The following ZMYND8 variants were observed in gnomAD, a reference collection of about 807,000 sequenced individuals.
ZMYND8 encodes the protein zinc finger MYND-type containing 8.
ZMYND8 carries 37 observed loss-of-function variants against 140.8 expected under a neutral mutation model. The observed-to-expected ratio is 0.26, with a 90% confidence interval of 0.20 to 0.35. ZMYND8 has a LOEUF of 0.35. Among genes scored for constraint, ZMYND8 ranks in the 10% least tolerant of loss-of-function variants. The pLI, the probability that ZMYND8 is intolerant of heterozygous loss-of-function variation, is 1.00. For missense variants in ZMYND8, 1,068 were observed against 1,570.0 expected (o/e 0.68, Z 5.40); for synonymous variants, 592 against 597.1 (o/e 0.99, Z 0.12).
chr20:47,353,271 G>A (rs2082947388), intron 1 of ZMYND8: 1 of 152,092 alleles, frequency 6.6e-6, no homozygotes, highest in African/African-American at 2.4e-5. Flanking sequence ...AAGGGGAAAT[G>A]TTTTGTTGAA....
At chr20:47,354,414 A>C (rs181358461) in intron 1 of ZMYND8, 1 of 152,338 alleles carries the variant, frequency 6.6e-6, no homozygotes, top group East Asian at 1.9e-4. Flanking sequence ...TGTAATTTCC[A>C]TTTACAGCAA....
intron 17 of ZMYND8, 42 bp downstream of exon 17, chr20:47,229,684 A>G (rs2038208984): frequency 6.3e-7 from 1 of 1,594,090 alleles, no homozygotes; most frequent in Non-Finnish European, 8.6e-7. Flanking sequence ...GCAGCCCACA[A>G]AACACTCTTA....
At chr20:47,212,006 G>A (rs2035339143) in intron 22 of ZMYND8, among the ~76,000 whole-genome samples, 1 of 152,220 alleles carries the variant, frequency 6.6e-6, no homozygotes, top group South Asian at 2.1e-4. Context: ...TACTATGGTA[G>A]GCAGAGCTGG....
intron 3 of ZMYND8, among the ~76,000 whole-genome samples, chr20:47,307,205 C>G (rs903668602): frequency 6.6e-6 from 1 of 151,918 alleles, no homozygotes; most frequent in South Asian, 2.1e-4. Context: ...AATACCAGCA[C>G]TTTGGGAGGC....
At chr20:47,312,905 A>C (rs2079051154) in intron 2 of ZMYND8, among the ~76,000 whole-genome samples, 1 of 152,122 alleles carries the variant, frequency 6.6e-6, no homozygotes, top group South Asian at 2.1e-4. Context: ...TGTTCCTGAA[A>C]ACTTTTTCTC....
At chr20:47,321,942 C>T (rs1277804463) in intron 2 of ZMYND8, among the ~76,000 whole-genome samples, 1 of 147,194 alleles carries the variant, frequency 6.8e-6, no homozygotes. Flanking sequence ...CTCATTGCAA[C>T]CTCAGCCTCC....
chr20:47,322,925 C>G (rs567051502), intron 2 of ZMYND8, among the ~76,000 whole-genome samples: 1 of 152,154 alleles, frequency 6.6e-6, no homozygotes, highest in African/African-American at 2.4e-5. Context: ...CATTGGCCAA[C>G]GTCAACACAG....
chr20:47,345,674 A>AT (rs1486649964), intron 2 of ZMYND8, among the ~76,000 whole-genome samples: 5 of 151,846 alleles, frequency 3.3e-5, no homozygotes, highest in Non-Finnish European at 5.9e-5. Flanking sequence ...CGCCCAGATA[A>AT]TTTTTTTGTA....
intron 19 of ZMYND8, among the ~76,000 whole-genome samples, chr20:47,222,326 G>A (rs972528484): frequency 6.6e-5 from 10 of 151,930 alleles, no homozygotes; most frequent in Non-Finnish European, 1.3e-4. Flanking sequence ...ACGAGGTCAG[G>A]AGATCAAGAC....
At chr20:47,348,125 C>T in intron 1 of ZMYND8, 199 bp from the exon 2 acceptor site, 1 of 478,836 alleles carries the variant, frequency 2.1e-6, no homozygotes, top group South Asian at 2.6e-5. Flanking sequence ...CTAGGTTGTT[C>T]TTTTTTTTTT....
intron 2 of ZMYND8, among the ~76,000 whole-genome samples, chr20:47,334,053 T>TAG (rs2081192306): frequency 6.6e-6 from 1 of 152,234 alleles, no homozygotes; most frequent in Non-Finnish European, 1.5e-5. Context: ...TCAGAACACT[T>TAG]AGAGTTAGGC....
intron 2 of ZMYND8, 29 bp downstream of exon 2, chr20:47,347,827 A>C: frequency 6.2e-7 from 1 of 1,609,114 alleles, no homozygotes; most frequent in Non-Finnish European, 8.5e-7. Context: ...CCTTAGCTCT[A>C]GAATAGATAA....
chr20:47,316,876 G>A (rs899678008), intron 2 of ZMYND8, among the ~76,000 whole-genome samples: 1 of 151,948 alleles, frequency 6.6e-6, no homozygotes, highest in East Asian at 1.9e-4. Context: ...TGCATTTCCT[G>A]TAGTCCCCAC....
chr20:47,253,787 G>T (rs540299205), intron 12 of ZMYND8, among the ~76,000 whole-genome samples: 1 of 152,212 alleles, frequency 6.6e-6, no homozygotes, highest in Non-Finnish European at 1.5e-5. Flanking sequence ...TATGGCTACA[G>T]TAAATGCGAC....
chr20:47,236,607 T>G, intron 15 of ZMYND8, 91 bp from the exon 16 acceptor site: 1 of 1,292,102 alleles, frequency 7.7e-7, no homozygotes, highest in South Asian at 1.6e-5. Context: ...CTAATAGACA[T>G]CCTGAGAGCT....
Position 47,210,773 on chromosome 20 carries a change from G to A in ZMYND8, c.3693C>T (p.Thr1231=). 1 of 1,614,126 alleles carries A rather than the reference G, an allele frequency of 6.2e-7. No homozygotes were observed. Among genetic ancestry groups the A allele is most frequent in the Non-Finnish European group, 8.5e-7 (1 of 1,180,030 alleles). ...SLLPKESRLD[T]FWD is the part of the protein sequence containing the mutation. ...TCCCGATTCACTGCTAGTCCCAGAA[G>A]GTGTCCAGCCGAGACTCTTTCGGGA... The change falls in exon 23 of 23, where the codon ACC becomes ACT. Residue 1231 remains threonine, a synonymous_variant. Coordinates refer to ENST00000471951, the MANE Select transcript of ZMYND8 (RefSeq NM_001281775.3).
At chr20:47,254,160 C>T (rs946658323) in intron 12 of ZMYND8, among the ~76,000 whole-genome samples, 1 of 152,216 alleles carries the variant, frequency 6.6e-6, no homozygotes, top group African/African-American at 2.4e-5. Context: ...ACCCTTGCTG[C>T]CAACATTTTG....
At chr20:47,327,474 T>C (rs1469398415) in intron 2 of ZMYND8, among the ~76,000 whole-genome samples, 2 of 151,676 alleles carry the variant, frequency 1.3e-5, no homozygotes, top group African/African-American at 2.4e-5. Flanking sequence ...GCCAACATGA[T>C]GAAACCCTGC....
In ZMYND8 at chr20:47,352,634, G is replaced by A. The variant is rs147777544; in HGVS notation, c.14+4023C>T. 1.8e-5 allele frequency: 13 copies of A among 742,540 alleles called. No homozygotes were observed. The African/African-American group carries it at 2.1e-4, about 12-fold the overall frequency. The allele number at this position is 742,540 out of a possible 1,614,324, so 46.0% of individuals were successfully genotyped here. A position where few individuals can be genotyped will look rare whatever the true frequency, so the allele number is the denominator to read the frequency against. On this transcript the variant is annotated intron_variant, in intron 1 of 22. Coordinates refer to ENST00000471951, the MANE Select transcript of ZMYND8 (RefSeq NM_001281775.3). ...GGCCTCAGAACTCCTCTGGTGCTGG[G>A]AGTGAGGAGTTTCAAGGTGACTGCT...
Sources: gnomAD v4.1 joint callset for allele counts (sites outside exome capture counted in the v4.1 genomes callset) on GRCh38, gnomAD v4.1.1 for gene constraint, MANE v1.5 for transcripts, NCBI Gene and HGNC (gene_info 2026-07-23, HGNC 2026-07-21) for gene names.